Variants in MLLT10 observed in about 807,000 individuals in gnomAD.
MLLT10 encodes MLLT10 histone lysine methyltransferase DOT1L cofactor.
MLLT10 carries 30 observed loss-of-function variants against 129.1 expected under a neutral mutation model. That is an observed-to-expected ratio of 0.23 (90% CI 0.17 to 0.32). MLLT10 has a LOEUF of 0.32. Among genes scored for constraint, MLLT10 ranks in the 10% least tolerant of loss-of-function variants. The pLI is 1.00. For synonymous variants in MLLT10, 490 were observed against 446.4 expected (o/e 1.10, Z -1.23); for missense variants, 1,119 against 1,268.3 (o/e 0.88, Z 1.79).
chr10:21,600,763 T>C (rs1295292418), intron 5 of MLLT10, among the ~76,000 whole-genome samples: 1 of 152,236 alleles, frequency 6.6e-6, no homozygotes, highest in Non-Finnish European at 1.5e-5. Flanking sequence ...ATACATCAGC[T>C]GATTCTCATT....
intron 2 of MLLT10, among the ~76,000 whole-genome samples, chr10:21,538,630 A>T (rs904112261): frequency 6.6e-6 from 1 of 152,162 alleles, no homozygotes; most frequent in African/African-American, 2.4e-5. Flanking sequence ...ATGAGGTAAC[A>T]CAAAAGAGTT....
chr10:21,592,125 TC>T (rs2042566288), intron 4 of MLLT10, among the ~76,000 whole-genome samples: 1 of 152,212 alleles, frequency 6.6e-6, no homozygotes, highest in Admixed American at 6.5e-5. Context: ...CTACATACAT[TC>T]ACAAACCCTA....
At chr10:21,703,556 T>C (rs190390090) in intron 13 of MLLT10, among the ~76,000 whole-genome samples, 22 of 152,054 alleles carry the variant, frequency 1.4e-4, no homozygotes, top group Admixed American at 7.9e-4. Context: ...GGAAGTTCTT[T>C]TTTTTTGAGA....
chr10:21,697,586 G>T (rs1220527683), intron 13 of MLLT10, among the ~76,000 whole-genome samples: 1 of 152,148 alleles, frequency 6.6e-6, no homozygotes, highest in South Asian at 2.1e-4. Flanking sequence ...TACATAATGA[G>T]TAAAAATGTT....
intron 8 of MLLT10, chr10:21,624,512 A>G (rs1347113515): frequency 1.5e-5 from 13 of 874,564 alleles, no homozygotes; most frequent in African/African-American, 1.7e-5. Context: ...TGAAACAGTT[A>G]AACAAAATTT....
intron 8 of MLLT10, among the ~76,000 whole-genome samples, chr10:21,622,428 G>C (rs1312373806): frequency 6.6e-6 from 1 of 151,580 alleles, no homozygotes; most frequent in African/African-American, 2.4e-5. Context: ...GCCTCCCAAA[G>C]TGCTGGGATT....
At chr10:21,595,030 C>T (rs1309164007) in intron 4 of MLLT10, among the ~76,000 whole-genome samples, 1 of 151,998 alleles carries the variant, frequency 6.6e-6, no homozygotes, top group Non-Finnish European at 1.5e-5. Context: ...TCAGAGGTAG[C>T]GTTGATCTGA....
At chr10:21,573,225 A>G (rs1471948995) in intron 3 of MLLT10, among the ~76,000 whole-genome samples, 1 of 152,180 alleles carries the variant, frequency 6.6e-6, no homozygotes, top group East Asian at 1.9e-4. Flanking sequence ...AGAGGAGAGC[A>G]TTCAGTGTTA....
chr10:21,741,015 CAAAGTTGCAGTGTTT>C (rs1198020631), intron 22 of MLLT10, among the ~76,000 whole-genome samples: 2 of 152,176 alleles, frequency 1.3e-5, no homozygotes, highest in Non-Finnish European at 2.9e-5. Context: ...AATGAGTGTT[CAAAGTTGCAGTGTTT>C]GCTGTTTCCC....
chr10:21,626,483 GC>G (rs992255024), intron 8 of MLLT10, among the ~76,000 whole-genome samples: 2 of 152,112 alleles, frequency 1.3e-5, no homozygotes, highest in African/African-American at 4.8e-5. Flanking sequence ...ATCTATTCCT[GC>G]AAGAATCAAC....
chr10:21,728,597 C>T (rs745975369), intron 16 of MLLT10, among the ~76,000 whole-genome samples: 1 of 152,066 alleles, frequency 6.6e-6, no homozygotes, highest in Admixed American at 6.5e-5. Flanking sequence ...CCCTTCTGTG[C>T]GTTCTCTTTG....
chr10:21,566,456 G>A (rs192578198), intron 3 of MLLT10, among the ~76,000 whole-genome samples: 33 of 151,456 alleles, frequency 2.2e-4, no homozygotes, highest in African/African-American at 8.0e-4. Flanking sequence ...AGTCTCCCGA[G>A]TAGATGGGAT....
At chr10:21,656,786 A>G (rs979988749) in intron 9 of MLLT10, among the ~76,000 whole-genome samples, 11 of 152,222 alleles carry the variant, frequency 7.2e-5, no homozygotes, top group Admixed American at 2.0e-4. Context: ...CCGGTGATAC[A>G]TAAGCATTGT....
chr10:21,667,366 G>A (rs561369000), intron 9 of MLLT10, among the ~76,000 whole-genome samples: 1 of 149,120 alleles, frequency 6.7e-6, no homozygotes, highest in East Asian at 1.9e-4. Context: ...AAACTGTGGG[G>A]GTTTTTTTTT....
intron 8 of MLLT10, among the ~76,000 whole-genome samples, chr10:21,629,223 C>G (rs1031476899): frequency 3.3e-4 from 50 of 152,062 alleles, no homozygotes; most frequent in African/African-American, 1.2e-3. Flanking sequence ...TTTTTATAGC[C>G]TGGCCTCGGA....
At chr10:21,605,247 C>T (rs1027553483) in intron 5 of MLLT10, among the ~76,000 whole-genome samples, 5 of 152,164 alleles carry the variant, frequency 3.3e-5, no homozygotes, top group Admixed American at 2.6e-4. Flanking sequence ...TGTTTAGTCT[C>T]ATGATGGCGT....
chr10:21,739,559 C>T (rs2058661892), intron 21 of MLLT10, among the ~76,000 whole-genome samples: 1 of 152,144 alleles, frequency 6.6e-6, no homozygotes, highest in South Asian at 2.1e-4. Flanking sequence ...TTTCAAGCAC[C>T]AAAAGCAGTG....
intron 3 of MLLT10, among the ~76,000 whole-genome samples, chr10:21,579,261 T>C (rs2041116006): frequency 6.6e-6 from 1 of 152,228 alleles, no homozygotes; most frequent in Admixed American, 6.5e-5. Context: ...CTGTGTAATG[T>C]GACATTTTCT....
intron 8 of MLLT10, among the ~76,000 whole-genome samples, chr10:21,618,240 G>A (rs555445606): frequency 6.6e-6 from 1 of 152,220 alleles, no homozygotes; most frequent in East Asian, 1.9e-4. Flanking sequence ...TGGGCGTGGT[G>A]GCTCAAGCTT....
Sources: allele counts gnomAD v4.1 joint callset (sites outside exome capture counted in the v4.1 genomes callset), GRCh38; gene constraint gnomAD v4.1.1; transcripts MANE v1.5; gene names NCBI Gene and HGNC (gene_info 2026-07-23, HGNC 2026-07-21).